CCDC7: variants seen among roughly 807,000 people sequenced by gnomAD.
The protein encoded by CCDC7 is coiled-coil domain-containing protein 7.
A neutral mutation model predicts 196.9 loss-of-function variants in CCDC7; 183 were observed. The observed-to-expected ratio is 0.93, with a 90% CI of 0.82 to 1.05. The LOEUF is 1.05. Among genes scored for constraint, CCDC7 ranks in the 50% least tolerant of loss-of-function variants. CCDC7 has a pLI of 0.00. For missense variants in CCDC7, 1,540 were observed against 1,482.2 expected (o/e 1.04, Z -0.64); for synonymous variants, 525 against 484.6 (o/e 1.08, Z -1.10).
At chr10:32,713,539 C>T (rs1012042863) in intron 25 of CCDC7, among the ~76,000 whole-genome samples, 1 of 152,212 alleles carries the variant, frequency 6.6e-6, no homozygotes, top group African/African-American at 2.4e-5. Flanking sequence ...CTTCCTTCAT[C>T]AAGGAAGCAA....
At chr10:32,693,601 A>C (rs954005419) in intron 23 of CCDC7, among the ~76,000 whole-genome samples, 23 of 152,192 alleles carry the variant, frequency 1.5e-4, no homozygotes, top group African/African-American at 4.6e-4. Flanking sequence ...TGTGGTATAC[A>C]GCACGTCCTT....
chr10:32,767,004 C>A (rs1228179686), intron 28 of CCDC7, among the ~76,000 whole-genome samples: 1 of 151,970 alleles, frequency 6.6e-6, no homozygotes, highest in Admixed American at 6.6e-5. Context: ...ATAGTGTAGA[C>A]TTCCATTCAG....
intron 33 of CCDC7, among the ~76,000 whole-genome samples, chr10:32,837,724 A>G (rs560654111): frequency 4.6e-4 from 70 of 152,228 alleles, no homozygotes; most frequent in African/African-American, 1.7e-3. Context: ...GCACATATAC[A>G]CCATGGAATA....
chr10:32,511,261 C>CCGG (rs1554812867), intron 9 of CCDC7: 11 of 383,208 alleles, frequency 2.9e-5, no homozygotes, highest in Non-Finnish European at 4.3e-5. Flanking sequence ...CTGTGGGGGG[C>CCGG]GGGGGGGGCG....
intron 9 of CCDC7, among the ~76,000 whole-genome samples, chr10:32,492,358 G>C (rs570054176): frequency 6.6e-6 from 1 of 152,170 alleles, no homozygotes; most frequent in African/African-American, 2.4e-5. Context: ...CCCCAAAATT[G>C]AAAACAGAGT....
intron 33 of CCDC7, among the ~76,000 whole-genome samples, chr10:32,837,686 C>T (rs1411099714): frequency 1.3e-5 from 2 of 152,026 alleles, no homozygotes; most frequent in Admixed American, 6.6e-5. Context: ...AAATGTCCAA[C>T]AATGATAGAC....
intron 14 of CCDC7, among the ~76,000 whole-genome samples, chr10:32,566,846 G>C (rs189892558): frequency 6.7e-4 from 99 of 148,046 alleles, no homozygotes; most frequent in African/African-American, 2.4e-3. Flanking sequence ...CAGGAGACTA[G>C]AGGTTGCAAA....
At chr10:32,737,185 T>C (rs56232235) in intron 28 of CCDC7, among the ~76,000 whole-genome samples, 12,996 of 152,248 alleles carry the variant, frequency 0.085, 871 homozygotes, top group South Asian at 0.25. Flanking sequence ...ATTGCATGAA[T>C]GTTGCGTACC....
chr10:32,571,717 A>G, intron 15 of CCDC7, 142 bp from the exon 17 acceptor site: 1 of 668,324 alleles, frequency 1.5e-6, no homozygotes, highest in Non-Finnish European at 2.2e-6. Flanking sequence ...CTAAAATATG[A>G]TAATTTCTTT....
At chr10:32,758,434 G>C (rs2076854303) in intron 28 of CCDC7, among the ~76,000 whole-genome samples, 1 of 152,128 alleles carries the variant, frequency 6.6e-6, no homozygotes, top group African/African-American at 2.4e-5. Flanking sequence ...GCGATGGAAG[G>C]CTGGTTCAAT....
At chr10:32,782,436 C>T (rs886495686) in intron 29 of CCDC7, among the ~76,000 whole-genome samples, 2 of 152,114 alleles carry the variant, frequency 1.3e-5, no homozygotes, top group African/African-American at 4.8e-5. Context: ...CTATGTTGTC[C>T]AGACTGGTCT....
chr10:32,851,739 T>G, intron 39 of CCDC7, 68 bp from the exon 41 acceptor site: 1 of 1,411,742 alleles, frequency 7.1e-7, no homozygotes, highest in Non-Finnish European at 9.9e-7. Context: ...ATATATACTG[T>G]GTGAGTATTA....
intron 20 of CCDC7, among the ~76,000 whole-genome samples, chr10:32,652,662 CAAAGA>C (rs913184966): frequency 5.9e-5 from 9 of 151,990 alleles, no homozygotes; most frequent in Non-Finnish European, 1.0e-4. Flanking sequence ...ACATTGGTCA[CAAAGA>C]AAAGAGAAAC....
Position 32,451,931 on chromosome 10 carries a change from T to C in CCDC7, c.279+10T>C, listed in dbSNP as rs967163047. On this transcript the variant is annotated intron_variant, in intron 1 of 41. Transcript: ENST00000639629. The stretch of plus-strand genomic sequence containing the variant: ...CAAACATCTGAAGATGGTAAGAGGC[T>C]TGTTAGTTTCTGTGTTGCAGGGCCC... 26 of 1,604,464 alleles carry C rather than the reference T, an allele frequency of 1.6e-5. No individual in the cohort carries two copies. Among genetic ancestry groups the C allele is most frequent in the Middle Eastern group, 1.7e-4 (1 of 6,022 alleles).
chr10:32,833,397 T>C (rs2092374978), intron 32 of CCDC7, among the ~76,000 whole-genome samples: 2 of 151,766 alleles, frequency 1.3e-5, no homozygotes, highest in Non-Finnish European at 2.9e-5. Context: ...TGTGTAACAG[T>C]TTCAAAAAGA....
chr10:32,696,493 T>A (rs946618260), intron 24 of CCDC7, among the ~76,000 whole-genome samples: 1 of 150,838 alleles, frequency 6.6e-6, no homozygotes, highest in Non-Finnish European at 1.5e-5. Flanking sequence ...TTTTTTTTTT[T>A]AAGCCAAAAG....
intron 15 of CCDC7, 49 bp downstream of exon 16, chr10:32,567,940 T>A: frequency 6.6e-7 from 1 of 1,514,548 alleles, no homozygotes; most frequent in South Asian, 1.4e-5. Flanking sequence ...GTGAGAAATT[T>A]GTCTTTTATA....
rs149797459 is a variant in CCDC7 at position 32,651,944 on chromosome 10, G to T, written c.2015-12110G>T. ...GGCAGTGCTTGTCCAAGATGGCAAT[G>T]CTTCTGCTCTGTCAGAAAAATTTCC... is the stretch of plus-strand genomic sequence containing the variant. On this transcript the variant is annotated intron_variant, in intron 20 of 41. Transcript: ENST00000639629. Among the ~76,000 whole-genome samples the T allele has an allele frequency of 4.2e-3, 634 of 152,318 alleles. 1 individual carries two copies. Among genetic ancestry groups the T allele is most frequent in the Middle Eastern group, 6.8e-3 (2 of 294 alleles).
chr10:32,700,965 T>C (rs1225768621), intron 24 of CCDC7, among the ~76,000 whole-genome samples: 1 of 152,210 alleles, frequency 6.6e-6, no homozygotes, highest in South Asian at 2.1e-4. Context: ...GCTGAGACAA[T>C]GGGGTTTTCT....
Sources: allele counts gnomAD v4.1 joint callset (sites outside exome capture counted in the v4.1 genomes callset), GRCh38; gene constraint gnomAD v4.1.1; transcripts MANE v1.5; gene names NCBI Gene and HGNC (gene_info 2026-07-23, HGNC 2026-07-21).